DSG1: variants seen among roughly 807,000 people sequenced by gnomAD.
The protein encoded by DSG1 is desmoglein 1, also known as desmoglein-1.
In DSG1, 39 loss-of-function variants were observed where a neutral mutation model predicts 97.5. That is an observed-to-expected ratio of 0.40 (90% CI 0.31 to 0.52). DSG1 has a LOEUF of 0.52. DSG1 is among the 20% of genes least tolerant of loss of function. The pLI, the probability that DSG1 is intolerant of heterozygous loss-of-function variation, is 0.53. For missense variants in DSG1, 1,311 were observed against 1,295.4 expected (o/e 1.01, Z -0.18); for synonymous variants, 475 against 443.4 (o/e 1.07, Z -0.90).
chr18:31,344,807 A>G (rs2071818119), intron 13 of DSG1, among the ~76,000 whole-genome samples: 1 of 152,204 alleles, frequency 6.6e-6, no homozygotes, highest in South Asian at 2.1e-4. Context: ...GTTGTATCAC[A>G]TTACTTTTCT....
rs1191553339 is a variant in DSG1 at position 31,326,954 on chromosome 18, A to G, written c.165A>G (p.Ala55=). Residue 55 remains alanine, a synonymous_variant, in exon 3 of 15, where the codon GCA becomes GCG. Transcript: ENST00000257192. ...RRQKREWIKF[A]AACREGEDNS... ...AGAAACGTGAATGGATCAAGTTCGC[A>G]GCAGCCTGTCGTGAAGGTGAAGACA... The G allele has an allele frequency of 1.9e-6, 3 of 1,613,948 alleles. No homozygotes were observed. The highest frequency in any genetic ancestry group is 3.3e-5 in the Admixed American group (2 of 60,002).
At chr18:31,325,227 C>A (rs2071678611) in intron 1 of DSG1, among the ~76,000 whole-genome samples, 2 of 152,138 alleles carry the variant, frequency 1.3e-5, no homozygotes, top group African/African-American at 4.8e-5. Flanking sequence ...TGGTCTTCTG[C>A]CCAAATTGTC....
chr18:31,335,050 T>C (rs1166289854), intron 8 of DSG1, among the ~76,000 whole-genome samples: 1 of 151,886 alleles, frequency 6.6e-6, no homozygotes, highest in Non-Finnish European at 1.5e-5. Flanking sequence ...GAAAACAGAC[T>C]CTCAAACGAC....
chr18:31,354,053 T>C, intron 14 of DSG1: 1 of 491,588 alleles, frequency 2.0e-6, no homozygotes, highest in Non-Finnish European at 3.6e-6. Context: ...TACACAATTA[T>C]AAATAAGTCC....
intron 14 of DSG1, among the ~76,000 whole-genome samples, chr18:31,353,319 C>G (rs1445406203): frequency 6.6e-6 from 1 of 151,736 alleles, no homozygotes; most frequent in African/African-American, 2.4e-5. Context: ...AGGAGGCAGT[C>G]TGCCCGTTCT....
chr18:31,330,666 T>G (rs537968760), intron 5 of DSG1, among the ~76,000 whole-genome samples: 1 of 152,276 alleles, frequency 6.6e-6, no homozygotes, highest in East Asian at 1.9e-4. Context: ...TTCAGAGGTA[T>G]GCACTGTGTA....
chr18:31,320,587 C>T (rs138765337), intron 1 of DSG1, among the ~76,000 whole-genome samples: 65 of 152,300 alleles, frequency 4.3e-4, no homozygotes, highest in African/African-American at 1.6e-3. Flanking sequence ...ATGGCTATTC[C>T]ATTGTTCTGA....
In DSG1 at chr18:31,355,019, C is replaced by T. The variant is rs145643174; in HGVS notation, c.2823C>T (p.Pro941=). The change falls in exon 15 of 15, where the codon CCC becomes CCT. Residue 941 remains proline, a synonymous_variant. Transcript: ENST00000257192. The part of the protein sequence containing the change: ...SGMIGSLSMH[P]ELANAHNVIV... ...TGATAGGTAGTCTGAGTATGCACCC[C>T]GAGTTAGCCAATGCCCACAATGTCA... The T allele has an allele frequency of 9.1e-4, 1,467 of 1,614,194 alleles. 1 individual carries two copies. The highest frequency in any genetic ancestry group is 1.6e-3 in the Admixed American group (99 of 60,034).
In DSG1 at chr18:31,354,749, G is replaced by T; in HGVS notation, c.2553G>T (p.Val851=). ...YTTSDTLKPS[V]HVHDNRPASN... is the part of the protein sequence containing the mutation. ...CCTCTGACACTCTGAAGCCCTCTGT[G>T]CACGTTCACGATAACCGACCAGCAT... The change falls in exon 15 of 15, where the codon GTG becomes GTT. Residue 851 remains valine (V), a synonymous_variant. Transcript: ENST00000257192. 1 of 1,614,164 alleles carries T rather than the reference G, an allele frequency of 6.2e-7. No individual in the cohort carries two copies. The highest frequency in any genetic ancestry group is 1.3e-5 in the African/African-American group (1 of 75,036).
At chr18:31,331,201 T>C (rs1180294614) in intron 5 of DSG1, among the ~76,000 whole-genome samples, 3 of 152,096 alleles carry the variant, frequency 2.0e-5, no homozygotes, top group Non-Finnish European at 4.4e-5. Flanking sequence ...TGTATATTTA[T>C]CAAACGTGCA....
At position 31,355,222 on chromosome 18, in the gene DSG1, C is replaced by T; in HGVS notation, c.3026C>T (p.Thr1009Ile). ...GGIGLSSLGG[T>I]ASIGHMRSSS... ...ATTGGCCTGAGCAGCTTGGGAGGGA[C>T]AGCCAGCATTGGCCACATGAGGAGT... Residue 1009 changes from threonine (T) to isoleucine (I), a missense_variant, in exon 15 of 15, where the codon ACA becomes ATA. This residue lies in a region of DSG1 where 1,038 missense variants were observed against 964.6 expected (regional missense o/e 1.08). Transcript: ENST00000257192. The T allele has an allele frequency of 1.9e-6, 3 of 1,604,528 alleles. No individual in the cohort carries two copies.
At chr18:31,334,352 T>G in intron 8 of DSG1, 150 bp downstream of exon 8, 1 of 572,738 alleles carries the variant, frequency 1.7e-6, no homozygotes, top group Admixed American at 3.2e-5. Context: ...CATAGAGCTT[T>G]TTAATATAGT....
At position 31,326,893 on chromosome 18, in the gene DSG1, A is replaced by T. The variant is rs1436775072; in HGVS notation, c.104A>T (p.Lys35Ile). The change falls in exon 3 of 15, where the codon AAA becomes ATA. Residue 35 changes from lysine to isoleucine, a missense_variant. Physicochemically the swap from Lys to Ile is moderately radical, Grantham distance 102. Around this residue, in one of 3 missense-constraint regions of DSG1, gnomAD observed 259 missense variants for 304.1 expected, o/e 0.85. Coordinates refer to ENST00000257192, the MANE Select transcript of DSG1 (RefSeq NM_001942.4). ...TTTAAGGTAAGAGATTATAACACTA[A>T]AAATGGCACCATCAAATGGCATTCA... Reference protein sequence around the residue: ...FRIQVRDYNTKNGTIKWHSIR... With the variant: ...FRIQVRDYNTINGTIKWHSIR... The T allele has an allele frequency of 4.3e-6, 7 of 1,613,760 alleles. No homozygotes were observed. The highest frequency in any genetic ancestry group is 1.6e-4 in the Middle Eastern group (1 of 6,082).
intron 1 of DSG1, among the ~76,000 whole-genome samples, chr18:31,321,640 G>T (rs2071654843): frequency 6.6e-6 from 1 of 152,138 alleles, no homozygotes; most frequent in Non-Finnish European, 1.5e-5. Context: ...GGTTTGAGTT[G>T]CCACAAAGTA....
intron 1 of DSG1, among the ~76,000 whole-genome samples, chr18:31,318,709 G>C (rs367904041): frequency 6.9e-6 from 1 of 144,660 alleles, no homozygotes; most frequent in East Asian, 1.9e-4. Context: ...AGTGTGTCTG[G>C]ATTTTTAACC....
At chr18:31,351,404 T>A (rs2144120517) in intron 14 of DSG1, among the ~76,000 whole-genome samples, 1 of 147,980 alleles carries the variant, frequency 6.8e-6, no homozygotes, top group Non-Finnish European at 1.5e-5. Flanking sequence ...TGGTCAATTT[T>A]GGAATAGGTG....
intron 8 of DSG1, 106 bp from the exon 9 acceptor site, chr18:31,336,248 C>T: frequency 1.0e-6 from 1 of 971,438 alleles, no homozygotes; most frequent in Non-Finnish European, 1.5e-6. Flanking sequence ...ATTTGTGTTT[C>T]ATAAAAGAAA....
At chr18:31,333,853 T>C in intron 7 of DSG1, 130 bp downstream of exon 7, 1 of 1,234,034 alleles carries the variant, frequency 8.1e-7, no homozygotes, top group African/African-American at 1.5e-5. Flanking sequence ...CATACTTTTT[T>C]CTTGTGTTTA....
In DSG1 at chr18:31,355,389, T is replaced by A; in HGVS notation, c.*43T>A. 4 of 1,588,954 alleles carry A rather than the reference T, an allele frequency of 2.5e-6. No individual in the cohort carries two copies. Among genetic ancestry groups the A allele is most frequent in the Non-Finnish European group, 3.4e-6 (4 of 1,159,810 alleles). ...TTTTTCATAGTCATTGTGGTTTAGA[T>A]CCAATTCCCACCACTAAAAAACCAA... On this transcript the variant is annotated 3_prime_UTR_variant, in exon 15 of 15. Coordinates refer to ENST00000257192, the MANE Select transcript of DSG1 (RefSeq NM_001942.4).
Sources: allele counts gnomAD v4.1 joint callset (sites outside exome capture counted in the v4.1 genomes callset), GRCh38; gene constraint gnomAD v4.1.1; regional missense constraint gnomAD v4.1.1; transcripts MANE v1.5; gene names NCBI Gene and HGNC (gene_info 2026-07-23, HGNC 2026-07-21).